Variants in TIMM17A observed in about 807,000 individuals in gnomAD.
TIMM17A encodes translocase of inner mitochondrial membrane 17A.
A neutral mutation model predicts 26.5 loss-of-function variants in TIMM17A; 15 were observed. The ratio of observed to expected loss-of-function variants is 0.57; its 90% CI spans 0.38 to 0.87. The LOEUF (loss-of-function observed/expected upper bound fraction) is 0.87. TIMM17A is among the 40% of genes least tolerant of loss of function. The probability of loss-of-function intolerance (pLI) is 0.00; values close to 1 mark genes in which losing one functional copy is unlikely to be tolerated. For missense variants in TIMM17A, 201 were observed against 210.0 expected, an observed-to-expected ratio of 0.96 and a Z score of 0.27; for synonymous variants, 80 against 70.8, an observed-to-expected ratio of 1.13 and a Z score of -0.66.
chr1:201,969,353 G>C, intron 5 of TIMM17A, 116 bp from the exon 6 acceptor site: 1 of 802,740 alleles, frequency 1.2e-6, no homozygotes, highest in Non-Finnish European at 2.0e-6. Flanking sequence ...TAGGGTTATA[G>C]CTTTAATTTA....
At position 201,964,288 on chromosome 1, in the gene TIMM17A, C is replaced by T. The variant is rs1271204354; in HGVS notation, c.319+544C>T. ...GCCATTAATTAGCTGTATGACTGGTCAGTTTACCAAACTTTTTATGCTATA... is the reference window on the plus strand; with the variant it reads ...GCCATTAATTAGCTGTATGACTGGTTAGTTTACCAAACTTTTTATGCTATA... On this transcript the variant is annotated intron_variant, in intron 4 of 5. Coordinates refer to ENST00000367287, the MANE Select transcript of TIMM17A (RefSeq NM_006335.3). Among the ~76,000 whole-genome samples the T allele has an allele frequency of 2.0e-5, 3 of 152,298 alleles. 1 individual carries two copies. The highest frequency in any genetic ancestry group is 7.2e-5 in the African/African-American group (3 of 41,562).
At chr1:201,964,832 TGG>T (rs1682599881) in intron 4 of TIMM17A, among the ~76,000 whole-genome samples, 1 of 150,554 alleles carries the variant, frequency 6.6e-6, no homozygotes. Context: ...GTATTTTTAG[TGG>T]AGACGGGGTT....
intron 4 of TIMM17A, among the ~76,000 whole-genome samples, chr1:201,965,154 G>T (rs1009846126): frequency 6.6e-5 from 10 of 152,088 alleles, no homozygotes; most frequent in Admixed American, 2.0e-4. Flanking sequence ...GTTTCCCCAT[G>T]TTGGCCAGGC....
In TIMM17A at chr1:201,968,322, G is replaced by T. The variant is rs552173410; in HGVS notation, c.431-1147G>T. ...AAAGTTTTTAAAACAGTGAAAAAAG[G>T]TTAGACAGAACTGTATGTAAATGGC... On this transcript the variant is annotated intron_variant, in intron 5 of 5. Coordinates refer to ENST00000367287, the MANE Select transcript of TIMM17A (RefSeq NM_006335.3). Among the ~76,000 whole-genome samples the T allele has an allele frequency of 2.2e-4, 34 of 152,022 alleles. No homozygotes were observed. The South Asian group carries it at 4.0e-3, about 18-fold the overall frequency.
Position 201,955,589 on chromosome 1 carries a change from C to A in TIMM17A, c.26+37C>A, listed in dbSNP as rs115324519. ...CGCTGTCTTTGCATTTCTCTTGCCC[C>A]CCTGCCCACTGCCCTCCTTCTCCCT... is the stretch of plus-strand genomic sequence containing the variant. On this transcript the variant is annotated intron_variant, in intron 1 of 5. Transcript: ENST00000367287. The A allele has an allele frequency of 2.5e-5, 41 of 1,613,992 alleles. No homozygotes were observed. In the African/African-American group the frequency reaches 4.1e-4, roughly 16 times the overall value.
chr1:201,957,785 T>C (rs1248828623), intron 3 of TIMM17A: 5 of 498,474 alleles, frequency 1.0e-5, no homozygotes, highest in African/African-American at 2.1e-5. Flanking sequence ...GTCTCTGTCC[T>C]TCAGACACTC....
intron 3 of TIMM17A, among the ~76,000 whole-genome samples, chr1:201,959,107 G>T (rs1426477943): frequency 6.6e-6 from 1 of 152,194 alleles, no homozygotes; most frequent in African/African-American, 2.4e-5. Flanking sequence ...TGTTTTTTGA[G>T]AGGCTGCTTC....
Position 201,969,611 on chromosome 1 carries a change from G to C in TIMM17A, c.*57G>C, listed in dbSNP as rs1277192452. Reference sequence around the variant, plus strand: ...GAGTTGTGGTTCGAGAAGGATTTCAGAAGATCAAGTTACAGTCTGTTTTTA... The same window carrying C: ...GAGTTGTGGTTCGAGAAGGATTTCACAAGATCAAGTTACAGTCTGTTTTTA... On this transcript the variant is annotated 3_prime_UTR_variant, in exon 6 of 6. Coordinates refer to ENST00000367287, the MANE Select transcript of TIMM17A (RefSeq NM_006335.3). The C allele has an allele frequency of 2.1e-6, 3 of 1,447,490 alleles. No individual in the cohort carries two copies. The East Asian group carries it at 6.8e-5, about 33-fold the overall frequency. The allele number at this position is 1,447,490 out of a possible 1,614,324, so 89.7% of individuals were successfully genotyped here. A position where few individuals can be genotyped will look rare whatever the true frequency, so the allele number is the denominator to read the frequency against.
At chr1:201,959,999 AAAATAAAT>A (rs59830417) in intron 3 of TIMM17A, among the ~76,000 whole-genome samples, 7 of 150,192 alleles carry the variant, frequency 4.7e-5, no homozygotes, top group Non-Finnish European at 7.4e-5. Flanking sequence ...ACTCTGTCTC[AAAATAAAT>A]AAATAAATAA....
At chr1:201,965,633 T>C (rs987314791) in intron 5 of TIMM17A, 90 bp downstream of exon 5, 25 of 850,590 alleles carry the variant, frequency 2.9e-5, no homozygotes, top group Non-Finnish European at 5.0e-5. Context: ...ATAAAATGTG[T>C]GGTATGTATT....
chr1:201,957,462 G>T, intron 2 of TIMM17A, 49 bp from the exon 3 acceptor site: 1 of 1,603,630 alleles, frequency 6.2e-7, no homozygotes, highest in Non-Finnish European at 8.5e-7. Flanking sequence ...CAGTGGCTTA[G>T]AAATGTACTT....
In TIMM17A at chr1:201,963,678, G is replaced by A. The variant is rs750416279; in HGVS notation, c.253G>A (p.Gly85Arg). ...MIDCSMVQVR[G>R]KEDPWNSITS... ...TGACTGTAGTATGGTTCAAGTCAGA[G>A]GAAAGGAAGATCCCTGGAACTCCAT... The change falls in exon 4 of 6, where the codon GGA (glycine) becomes AGA (arginine). Residue 85 changes from glycine (G) to arginine (R), a missense_variant. Gly to Arg is a moderately radical substitution (Grantham distance 125). Coordinates refer to ENST00000367287, the MANE Select transcript of TIMM17A (RefSeq NM_006335.3). 14 of 1,611,500 alleles carry A rather than the reference G, an allele frequency of 8.7e-6. No homozygotes were observed. Among genetic ancestry groups the A allele is most frequent in the Non-Finnish European group, 1.2e-5 (14 of 1,179,300 alleles).
At chr1:201,959,975 A>G (rs111271266) in intron 3 of TIMM17A, among the ~76,000 whole-genome samples, 1 of 151,662 alleles carries the variant, frequency 6.6e-6, no homozygotes, top group African/African-American at 2.4e-5. Flanking sequence ...TACTCCAGCC[A>G]GGGTGACAGC....
At chr1:201,963,392 G>A (rs1251480616) in intron 3 of TIMM17A, 1 of 441,840 alleles carries the variant, frequency 2.3e-6, no homozygotes, top group African/African-American at 2.1e-5. Context: ...TTTCTTATAG[G>A]CTTTGGGCCG....
chr1:201,961,988 A>C (rs1284727801), intron 3 of TIMM17A, among the ~76,000 whole-genome samples: 1 of 151,914 alleles, frequency 6.6e-6, no homozygotes, highest in Non-Finnish European at 1.5e-5. Context: ...AGGTGTATAG[A>C]CGTTCGCCTC....
At chr1:201,959,014 A>G (rs1244647449) in intron 3 of TIMM17A, among the ~76,000 whole-genome samples, 1 of 152,192 alleles carries the variant, frequency 6.6e-6, no homozygotes, top group African/African-American at 2.4e-5. Flanking sequence ...TTATTGTGTT[A>G]TTCAAGAATG....
At chr1:201,964,564 A>G (rs941897892) in intron 4 of TIMM17A, among the ~76,000 whole-genome samples, 18 of 151,462 alleles carry the variant, frequency 1.2e-4, no homozygotes, top group African/African-American at 4.4e-4. Flanking sequence ...GCAGCCATGG[A>G]TAATACATAA....
In TIMM17A at chr1:201,963,722, G is replaced by A. The variant is rs778725712; in HGVS notation, c.297G>A (p.Thr99=). The A allele has an allele frequency of 3.7e-6, 6 of 1,608,560 alleles. No individual in the cohort carries two copies. Among genetic ancestry groups the A allele is most frequent in the East Asian group, 2.2e-5 (1 of 44,812 alleles). ...ACTCCATCACAAGTGGTGCCTTAAC[G>A]GGAGCCATACTGGCAGCAAGAAGTA... ...PWNSITSGAL[T]GAILAARNGP... The change falls in exon 4 of 6, where the codon ACG becomes ACA. Residue 99 remains threonine, a synonymous_variant. Coordinates refer to ENST00000367287, the MANE Select transcript of TIMM17A (RefSeq NM_006335.3).
intron 3 of TIMM17A, among the ~76,000 whole-genome samples, chr1:201,961,129 G>A (rs895392053): frequency 2.0e-5 from 3 of 149,496 alleles, no homozygotes; most frequent in East Asian, 3.9e-4. Context: ...GCAATGGCGC[G>A]GTCTCGGCTC....
Sources: gnomAD v4.1 joint callset for allele counts (sites outside exome capture counted in the v4.1 genomes callset) on GRCh38, gnomAD v4.1.1 for gene constraint, MANE v1.5 for transcripts, NCBI Gene and HGNC (gene_info 2026-07-23, HGNC 2026-07-21) for gene names.